ASTN2: variants seen among roughly 807,000 people sequenced by gnomAD.
The protein encoded by ASTN2 is astrotactin-2.
Under a neutral mutation model 139.8 loss-of-function variants are expected in ASTN2, and 54 were observed. The observed-to-expected ratio is 0.39, with a 90% CI of 0.31 to 0.48. ASTN2 has a LOEUF of 0.48. Among genes scored for constraint, ASTN2 ranks in the 20% least tolerant of loss-of-function variants. The pLI is 0.95. For missense variants in ASTN2, 1,565 were observed against 1,725.1 expected, an observed-to-expected ratio of 0.91 and a Z score of 1.64; for synonymous variants, 756 against 719.5, an observed-to-expected ratio of 1.05 and a Z score of -0.81.
intron 10 of ASTN2, among the ~76,000 whole-genome samples, chr9:116,949,722 C>T (rs2132483816): frequency 6.6e-6 from 1 of 152,308 alleles, no homozygotes; most frequent in South Asian, 2.1e-4. Flanking sequence ...TTGGTGAATA[C>T]ACTAAGGGCT....
At chr9:117,255,348 T>C (rs187874248) in intron 2 of ASTN2, among the ~76,000 whole-genome samples, 2 of 152,360 alleles carry the variant, frequency 1.3e-5, no homozygotes, top group East Asian at 1.9e-4. Context: ...GGATACTGAA[T>C]GCCTACCATG....
chr9:116,511,604 T>G (rs1298321788), intron 19 of ASTN2, among the ~76,000 whole-genome samples: 1 of 152,196 alleles, frequency 6.6e-6, no homozygotes, highest in African/African-American at 2.4e-5. Flanking sequence ...GTACCTCTGG[T>G]AGAATTTGGC....
At chr9:116,824,600 A>T (rs1831574741) in intron 11 of ASTN2, among the ~76,000 whole-genome samples, 1 of 152,212 alleles carries the variant, frequency 6.6e-6, no homozygotes, top group Admixed American at 6.5e-5. Flanking sequence ...TTTGACTGAG[A>T]CTTTGTAGAG....
chr9:117,019,042 T>C (rs539851871), intron 6 of ASTN2, among the ~76,000 whole-genome samples: 106 of 152,190 alleles, frequency 7.0e-4, no homozygotes, highest in African/African-American at 2.4e-3. Flanking sequence ...AAGGAAAACC[T>C]ATCCACATCA....
chr9:116,597,826 GGAGT>G (rs2131746897), intron 19 of ASTN2, among the ~76,000 whole-genome samples: 1 of 152,222 alleles, frequency 6.6e-6, no homozygotes, highest in Non-Finnish European at 1.5e-5. Flanking sequence ...TTGGAATCTT[GGAGT>G]GAGTATTCCC....
chr9:116,850,804 T>C (rs1331617246), intron 11 of ASTN2, among the ~76,000 whole-genome samples: 1 of 152,004 alleles, frequency 6.6e-6, no homozygotes, highest in Admixed American at 6.6e-5. Context: ...CTCATGTGGG[T>C]GCCAAAGATT....
intron 10 of ASTN2, among the ~76,000 whole-genome samples, chr9:116,935,560 G>A (rs975616239): frequency 2.0e-5 from 3 of 151,512 alleles, no homozygotes; most frequent in African/African-American, 7.3e-5. Flanking sequence ...AAAGAAAAAA[G>A]CAAAAAGCAA....
At chr9:117,372,670 G>C (rs1830019762) in intron 1 of ASTN2, among the ~76,000 whole-genome samples, 1 of 152,074 alleles carries the variant, frequency 6.6e-6, no homozygotes. Flanking sequence ...AGCAGGTTCT[G>C]AATACATGAT....
At chr9:117,387,901 C>T (rs1830442034) in intron 1 of ASTN2, among the ~76,000 whole-genome samples, 1 of 152,116 alleles carries the variant, frequency 6.6e-6, no homozygotes, top group Non-Finnish European at 1.5e-5. Context: ...TGATTTGATG[C>T]TCTGTTTTGC....
At chr9:117,074,479 G>A (rs916729478) in intron 5 of ASTN2, among the ~76,000 whole-genome samples, 11 of 152,192 alleles carry the variant, frequency 7.2e-5, no homozygotes, top group Non-Finnish European at 1.3e-4. Flanking sequence ...TAGGCTGATG[G>A]AACAGCCCAG....
intron 19 of ASTN2, among the ~76,000 whole-genome samples, chr9:116,501,249 AATG>A (rs1375312455): frequency 3.3e-5 from 5 of 152,164 alleles, no homozygotes; most frequent in Admixed American, 2.0e-4. Context: ...GTTTACTGAG[AATG>A]ATGATTTCCA....
chr9:117,378,808 A>T (rs1453065961), intron 1 of ASTN2, among the ~76,000 whole-genome samples: 1 of 152,210 alleles, frequency 6.6e-6, no homozygotes, highest in Non-Finnish European at 1.5e-5. Flanking sequence ...CCCCACCCGA[A>T]TCTCTTCAAC....
Position 116,622,593 on chromosome 9 carries a change from A to C in ASTN2, c.3073-2150T>G, listed in dbSNP as rs1856217112. Among the ~76,000 whole-genome samples the C allele has an allele frequency of 2.0e-5, 3 of 152,200 alleles. No homozygotes were observed. In the South Asian group the frequency reaches 6.2e-4, roughly 31 times the overall value. ...AGATCACACAGCAAGTAAATGGTGG[A>C]AACAGAATCCCAACCCAGATTTCTG... On this transcript the variant is annotated intron_variant, in intron 17 of 22. Coordinates refer to ENST00000313400, the MANE Select transcript of ASTN2 (RefSeq NM_001365068.1).
intron 1 of ASTN2, among the ~76,000 whole-genome samples, chr9:117,305,160 C>T (rs1237650946): frequency 6.6e-6 from 1 of 152,158 alleles, no homozygotes; most frequent in Non-Finnish European, 1.5e-5. Context: ...AAGTGGAATT[C>T]CACTCTTGTC....
chr9:116,855,377 C>T (rs34211344), intron 11 of ASTN2, among the ~76,000 whole-genome samples: 1,984 of 149,700 alleles, frequency 0.013, 22 homozygotes, highest in Non-Finnish European at 0.02. Context: ...GTCCTGTGTG[C>T]AGGCATTGAA....
chr9:116,695,528 AAG>A (rs1588211581), intron 16 of ASTN2, among the ~76,000 whole-genome samples: 1 of 152,236 alleles, frequency 6.6e-6, no homozygotes, highest in Non-Finnish European at 1.5e-5. Flanking sequence ...TGCCTGGAGA[AAG>A]AGTTGATGTC....
At chr9:116,767,053 TA>T (rs1829831154) in intron 13 of ASTN2, among the ~76,000 whole-genome samples, 1 of 151,916 alleles carries the variant, frequency 6.6e-6, no homozygotes, top group Admixed American at 6.6e-5. Context: ...CTCACATACT[TA>T]AAACAGTTGC....
intron 18 of ASTN2, 80 bp from the exon 19 acceptor site, chr9:116,618,552 G>A (rs1362852718): frequency 6.8e-7 from 1 of 1,463,142 alleles, no homozygotes; most frequent in African/African-American, 1.4e-5. Flanking sequence ...GTGTCAAGAT[G>A]AAGCATAGGT....
intron 17 of ASTN2, among the ~76,000 whole-genome samples, chr9:116,629,744 G>A (rs1174548365): frequency 6.6e-6 from 1 of 152,172 alleles, no homozygotes; most frequent in East Asian, 1.9e-4. Context: ...TGAATGATGA[G>A]AGCCCGACAG....
Sources: allele counts gnomAD v4.1 joint callset (sites outside exome capture counted in the v4.1 genomes callset), GRCh38; gene constraint gnomAD v4.1.1; transcripts MANE v1.5; gene names NCBI Gene and HGNC (gene_info 2026-07-23, HGNC 2026-07-21).